The following KLF12 variants were observed in gnomAD, a reference collection of about 807,000 sequenced individuals.
KLF12 encodes the protein KLF transcription factor 12, also known as Krueppel-like factor 12.
Under a neutral mutation model 37.8 loss-of-function variants are expected in KLF12, and 9 were observed. The observed-to-expected ratio is 0.24, with a 90% CI of 0.14 to 0.42. The LOEUF (loss-of-function observed/expected upper bound fraction) is 0.42. Ranked by LOEUF, KLF12 falls within the 10% of genes least tolerant of loss-of-function variation. KLF12 has a pLI of 1.00. For missense variants in KLF12, 411 were observed against 516.0 expected, an observed-to-expected ratio of 0.80 and a Z score of 1.97; for synonymous variants, 208 against 202.1, an observed-to-expected ratio of 1.03 and a Z score of -0.25.
chr13:73,978,017 C>G (rs932835895), intron 2 of KLF12, among the ~76,000 whole-genome samples: 6 of 151,358 alleles, frequency 4.0e-5, no homozygotes, highest in African/African-American at 1.5e-4. Context: ...CTCTAAAACC[C>G]TAGAAAACAA....
At chr13:73,802,449 T>A (rs1225717969) in intron 5 of KLF12, among the ~76,000 whole-genome samples, 1 of 152,138 alleles carries the variant, frequency 6.6e-6, no homozygotes, top group East Asian at 1.9e-4. Flanking sequence ...TTAGTTTTAA[T>A]TTTTATTATC....
chr13:73,899,190 G>T (rs1258274730), intron 3 of KLF12, among the ~76,000 whole-genome samples: 1 of 152,188 alleles, frequency 6.6e-6, no homozygotes, highest in Non-Finnish European at 1.5e-5. Context: ...ACTTTAAGAG[G>T]TCCTCTAAGA....
At chr13:73,845,768 T>G in intron 4 of KLF12, 59 bp downstream of exon 4, 3 of 1,500,784 alleles carry the variant, frequency 2.0e-6, no homozygotes, top group South Asian at 2.5e-5. Context: ...TTTTGTTCAC[T>G]GCAAAAATGA....
intron 1 of KLF12, among the ~76,000 whole-genome samples, chr13:73,995,610 T>TA (rs1165186576): frequency 1.3e-5 from 2 of 152,204 alleles, no homozygotes; most frequent in East Asian, 3.9e-4. Context: ...CAAGTAACTT[T>TA]AAAAAAATGA....
intron 5 of KLF12, among the ~76,000 whole-genome samples, chr13:73,803,928 C>G (rs554338409): frequency 1.3e-5 from 2 of 152,302 alleles, no homozygotes; most frequent in East Asian, 3.9e-4. Context: ...AGTCCTCAAT[C>G]TGTATAACCA....
At chr13:73,882,232 G>A (rs1352833796) in intron 3 of KLF12, among the ~76,000 whole-genome samples, 1 of 152,072 alleles carries the variant, frequency 6.6e-6, no homozygotes, top group East Asian at 1.9e-4. Context: ...AAATCCTGAA[G>A]TTTAAAAACT....
chr13:73,825,430 T>G (rs563711693), intron 4 of KLF12, among the ~76,000 whole-genome samples: 1 of 152,334 alleles, frequency 6.6e-6, no homozygotes, highest in Admixed American at 6.5e-5. Flanking sequence ...ACTGCTATAG[T>G]ATACACTATA....
intron 2 of KLF12, among the ~76,000 whole-genome samples, chr13:73,953,939 A>T (rs1402745490): frequency 1.3e-5 from 2 of 151,922 alleles, no homozygotes; most frequent in Non-Finnish European, 2.9e-5. Flanking sequence ...CTAAACAAGT[A>T]AACTAAGTAA....
Position 73,845,877 on chromosome 13 carries a change from T to C in KLF12, c.620A>G (p.Asn207Ser), listed in dbSNP as rs1884984908. The C allele has an allele frequency of 6.2e-7, 1 of 1,614,190 alleles. No homozygotes were observed. Among genetic ancestry groups the C allele is most frequent in the Non-Finnish European group, 8.5e-7 (1 of 1,179,998 alleles). ...CAAAAGCGGCACGACAATAGTGTTG[T>C]TCACATTTCCAGGTGACCTTACAGC... Residue 207 changes from asparagine (N) to serine (S), a missense_variant, in exon 4 of 8, where the codon AAC (asparagine) becomes AGC (serine). Transcript: ENST00000377669.
chr13:73,941,556 T>C (rs1890186888), intron 3 of KLF12, among the ~76,000 whole-genome samples: 1 of 152,176 alleles, frequency 6.6e-6, no homozygotes. Flanking sequence ...TCTCCTTATC[T>C]AAAAATAGTT....
At chr13:74,004,277 C>T (rs1208072331) in intron 1 of KLF12, among the ~76,000 whole-genome samples, 1 of 152,098 alleles carries the variant, frequency 6.6e-6, no homozygotes, top group Non-Finnish European at 1.5e-5. Flanking sequence ...GCAGTCCTGG[C>T]ATCAGCAAAT....
chr13:73,882,531 T>C (rs563939414), intron 3 of KLF12, among the ~76,000 whole-genome samples: 13 of 152,350 alleles, frequency 8.5e-5, no homozygotes, highest in East Asian at 3.9e-4. Flanking sequence ...ATCACTGATA[T>C]GTAACACTTC....
intron 1 of KLF12, among the ~76,000 whole-genome samples, chr13:74,041,901 C>T (rs921927890): frequency 6.6e-6 from 1 of 152,130 alleles, no homozygotes; most frequent in Non-Finnish European, 1.5e-5. Context: ...AAATGAAGAT[C>T]ATAATTCATA....
chr13:73,699,700 G>A (rs1874406791), intron 7 of KLF12, among the ~76,000 whole-genome samples: 1 of 152,174 alleles, frequency 6.6e-6, no homozygotes, highest in Non-Finnish European at 1.5e-5. Context: ...TCTGGGAAGT[G>A]GGGTTACAAC....
intron 1 of KLF12, among the ~76,000 whole-genome samples, chr13:74,073,095 C>G (rs1462334790): frequency 2.6e-5 from 4 of 152,226 alleles, no homozygotes; most frequent in Admixed American, 2.6e-4. Context: ...TAAGACGTGT[C>G]TTTGCTCCTC....
At chr13:73,703,862 A>T (rs1027492994) in intron 7 of KLF12, among the ~76,000 whole-genome samples, 13 of 152,194 alleles carry the variant, frequency 8.5e-5, no homozygotes, top group African/African-American at 7.2e-5. Context: ...GGAGACTGCA[A>T]ATGTGAGCTA....
At chr13:74,168,986 C>T in the KLF12 span, among the ~76,000 whole-genome samples, 24,212 of 152,076 alleles carry the variant, frequency 0.16, 2,664 homozygotes, top group African/African-American at 0.32. Context: ...ACAAACCAGC[C>T]GTGGCTGGAG....
At chr13:74,079,730 A>G (rs1354342719) in intron 1 of KLF12, among the ~76,000 whole-genome samples, 1 of 152,352 alleles carries the variant, frequency 6.6e-6, no homozygotes, top group East Asian at 1.9e-4. Flanking sequence ...AAAGAAAGAA[A>G]TAAGTGTTAG....
At chr13:73,829,484 T>C (rs1401475105) in intron 4 of KLF12, among the ~76,000 whole-genome samples, 1 of 152,214 alleles carries the variant, frequency 6.6e-6, no homozygotes, top group Non-Finnish European at 1.5e-5. Context: ...TATAAAGTTC[T>C]AGGTGGTATC....
Sources: allele counts gnomAD v4.1 joint callset (sites outside exome capture counted in the v4.1 genomes callset), GRCh38; gene constraint gnomAD v4.1.1; transcripts MANE v1.5; gene names NCBI Gene and HGNC (gene_info 2026-07-23, HGNC 2026-07-21).